Variants in BLTP3B observed in about 807,000 individuals in gnomAD.
BLTP3B encodes the protein UHRF1 (ICBP90) binding protein 1-like.
the BLTP3B span, among the ~76,000 whole-genome samples, chr12:100,135,281 C>CTTTTTTTTTTTTTTTT: frequency 9.2e-5 from 13 of 141,224 alleles, 1 homozygote; most frequent in South Asian, 2.2e-4. Context: ...TTCTTTCTTT[C>CTTTTTTTTTTTTTTTT]TTTTTTTTTT....
the BLTP3B span, among the ~76,000 whole-genome samples, chr12:100,123,135 T>A: frequency 6.6e-6 from 1 of 152,174 alleles, no homozygotes; most frequent in Non-Finnish European, 1.5e-5. Flanking sequence ...AGAGCAGGGA[T>A]CTTGTCCTCA....
At chr12:100,085,333 T>G in the BLTP3B span, among the ~76,000 whole-genome samples, 1 of 150,508 alleles carries the variant, frequency 6.6e-6, no homozygotes, top group Non-Finnish European at 1.5e-5. Context: ...ACTGCACTCG[T>G]GAGGCCTTGG....
the BLTP3B span, chr12:100,097,284 T>A: frequency 7.1e-7 from 1 of 1,417,510 alleles, no homozygotes; most frequent in African/African-American, 1.4e-5. Flanking sequence ...TTCCTATAGT[T>A]AACTAATAGT....
chr12:100,056,189 C>G, the BLTP3B span, among the ~76,000 whole-genome samples: 1 of 152,044 alleles, frequency 6.6e-6, no homozygotes, highest in African/African-American at 2.4e-5. Flanking sequence ...GAGAGCTTAC[C>G]CCTACATGAA....
the BLTP3B span, chr12:100,095,521 A>G: frequency 5.7e-6 from 5 of 878,734 alleles, no homozygotes; most frequent in African/African-American, 8.6e-5. Context: ...CTTATATAAA[A>G]TTACATAGAA....
chr12:100,102,765 C>T, the BLTP3B span: 1 of 1,587,792 alleles, frequency 6.3e-7, no homozygotes, highest in Non-Finnish European at 8.6e-7. Flanking sequence ...AAGTAGCTTA[C>T]CTTTGTCCTG....
the BLTP3B span, among the ~76,000 whole-genome samples, chr12:100,061,385 C>T: frequency 7.2e-5 from 11 of 152,112 alleles, no homozygotes; most frequent in African/African-American, 2.4e-4. Context: ...AGGGCCGGCG[C>T]GGTGGCTCAC....
the BLTP3B span, among the ~76,000 whole-genome samples, chr12:100,114,330 A>G: frequency 6.6e-6 from 1 of 152,168 alleles, no homozygotes; most frequent in Non-Finnish European, 1.5e-5. Flanking sequence ...CTACTTTGGG[A>G]TCAAACTTAT....
At chr12:100,054,225 T>G in the BLTP3B span, among the ~76,000 whole-genome samples, 4,267 of 152,216 alleles carry the variant, frequency 0.028, 184 homozygotes, top group African/African-American at 0.098. Flanking sequence ...TAAAAATATT[T>G]TCAAAGGAGT....
At chr12:100,095,662 C>T in the BLTP3B span, 1 of 1,600,738 alleles carries the variant, frequency 6.2e-7, no homozygotes, top group Non-Finnish European at 8.5e-7. Flanking sequence ...AACTTTATAG[C>T]TTACCTGTGT....
At chr12:100,134,115 T>C in the BLTP3B span, among the ~76,000 whole-genome samples, 1 of 151,306 alleles carries the variant, frequency 6.6e-6, no homozygotes, top group East Asian at 1.9e-4. Context: ...CTGTAGTGCA[T>C]GTACTTAAAA....
At chr12:100,083,123 G>A in the BLTP3B span, 4 of 1,611,820 alleles carry the variant, frequency 2.5e-6, no homozygotes, top group Non-Finnish European at 2.5e-6. Flanking sequence ...CCTTTCAGAG[G>A]GTAGTCCTTC....
chr12:100,087,768 C>T, the BLTP3B span, among the ~76,000 whole-genome samples: 1 of 152,174 alleles, frequency 6.6e-6, no homozygotes, highest in Non-Finnish European at 1.5e-5. Context: ...TAAATAAAAT[C>T]ATTCAATTTA....
the BLTP3B span, among the ~76,000 whole-genome samples, chr12:100,055,671 A>G: frequency 7.2e-6 from 1 of 139,506 alleles, no homozygotes; most frequent in African/African-American, 2.9e-5. Context: ...GAAAAAAACT[A>G]CATCTCAAAA....
chr12:100,053,486 G>A, the BLTP3B span, among the ~76,000 whole-genome samples: 1 of 152,122 alleles, frequency 6.6e-6, no homozygotes. Context: ...AGACTAGTTA[G>A]GGACCAGAGG....
the BLTP3B span, among the ~76,000 whole-genome samples, chr12:100,129,981 G>A: frequency 6.6e-6 from 1 of 152,244 alleles, no homozygotes; most frequent in South Asian, 2.1e-4. Flanking sequence ...CCTTGGGATG[G>A]AGTCTAACTC....
At chr12:100,086,155 A>C in the BLTP3B span, 2 of 568,818 alleles carry the variant, frequency 3.5e-6, no homozygotes, top group Non-Finnish European at 5.5e-6. Context: ...GGAGAAAAAT[A>C]CCAATCTCTT....
the BLTP3B span, among the ~76,000 whole-genome samples, chr12:100,087,889 T>C: frequency 6.6e-6 from 1 of 152,212 alleles, no homozygotes; most frequent in Non-Finnish European, 1.5e-5. Flanking sequence ...TTGTTCTAAC[T>C]TTTTTGGATT....
chr12:100,050,289 A>C, the BLTP3B span: 2 of 1,607,628 alleles, frequency 1.2e-6, no homozygotes, highest in Non-Finnish European at 1.7e-6. Context: ...CCCCATTAAC[A>C]CCAGTAATTT....
Sources: allele counts gnomAD v4.1 joint callset (sites outside exome capture counted in the v4.1 genomes callset), GRCh38; gene constraint gnomAD v4.1.1; transcripts MANE v1.5; gene names NCBI Gene and HGNC (gene_info 2026-07-23, HGNC 2026-07-21).